The following NCALD variants were observed in gnomAD, a reference collection of about 807,000 sequenced individuals.
NCALD encodes neurocalcin-delta.
NCALD carries 10 observed loss-of-function variants against 18.6 expected under a neutral mutation model. The ratio of observed to expected loss-of-function variants is 0.54; its 90% CI spans 0.33 to 0.91. The LOEUF is 0.91. Ranked by LOEUF, NCALD falls within the 40% of genes least tolerant of loss-of-function variation. The probability of loss-of-function intolerance (pLI) is 0.03; values close to 1 mark genes in which losing one functional copy is unlikely to be tolerated. For synonymous variants in NCALD, 88 were observed against 87.4 expected (o/e 1.01, Z -0.04); for missense variants, 184 against 247.6 (o/e 0.74, Z 1.72).
chr8:101,884,999 G>T (rs1386198403), intron 4 of NCALD, among the ~76,000 whole-genome samples: 1 of 152,106 alleles, frequency 6.6e-6, no homozygotes, highest in Non-Finnish European at 1.5e-5. Context: ...CAGAATAATG[G>T]GCTCCCAGGC....
chr8:101,782,558 T>G (rs1378853073), intron 1 of NCALD, among the ~76,000 whole-genome samples: 2 of 152,200 alleles, frequency 1.3e-5, no homozygotes, highest in African/African-American at 4.8e-5. Context: ...AGATCCTCCA[T>G]GGACCCACCA....
At chr8:102,047,946 G>A (rs1041247029) in intron 1 of NCALD, among the ~76,000 whole-genome samples, 1 of 151,904 alleles carries the variant, frequency 6.6e-6, no homozygotes, top group Non-Finnish European at 1.5e-5. Context: ...CTTTTGAGAG[G>A]GTTTGAAGGG....
At chr8:101,888,482 A>G (rs1175806761) in intron 3 of NCALD, among the ~76,000 whole-genome samples, 2 of 152,064 alleles carry the variant, frequency 1.3e-5, no homozygotes, top group African/African-American at 4.8e-5. Flanking sequence ...CAGTAGAGCA[A>G]TAATAGCTCA....
intron 2 of NCALD, among the ~76,000 whole-genome samples, chr8:101,711,518 C>G (rs898344704): frequency 2.6e-5 from 4 of 151,964 alleles, no homozygotes; most frequent in African/African-American, 9.6e-5. Context: ...AGCTAAGAAC[C>G]TTGATAAAAA....
chr8:101,687,628 CTCTT>C lies in NCALD; in HGVS notation c.*1677_*1680del, dbSNP rs1814526327. On this transcript the variant is annotated 3_prime_UTR_variant, in exon 4 of 4. Transcript: ENST00000220931. ...CATTTTTCTCCTGGTCATGATGTCT[CTCTT>C]TCTGTGGTTCCTCTTCTTTGGCAAG... 6.6e-6 allele frequency: 1 copy of C among 152,264 alleles called. No homozygotes were observed. The highest frequency in any genetic ancestry group is 1.5e-5 in the Non-Finnish European group (1 of 68,046). 9.4% of individuals were successfully genotyped at this position (152,264 alleles called of 1,614,324 possible).
chr8:101,814,394 G>A (rs757338025), intron 4 of NCALD, among the ~76,000 whole-genome samples: 58 of 151,946 alleles, frequency 3.8e-4, no homozygotes, highest in Admixed American at 1.2e-3. Flanking sequence ...AATATCACAC[G>A]ATTATATCAA....
intron 2 of NCALD, among the ~76,000 whole-genome samples, chr8:101,954,907 A>G (rs557180498): frequency 6.6e-6 from 1 of 152,184 alleles, no homozygotes; most frequent in Non-Finnish European, 1.5e-5. Flanking sequence ...TAGATGATCT[A>G]TGGCTTCCCC....
chr8:102,071,088 G>A (rs919667237), intron 1 of NCALD, among the ~76,000 whole-genome samples: 4 of 152,062 alleles, frequency 2.6e-5, no homozygotes, highest in Admixed American at 2.6e-4. Context: ...GCTATCCTGG[G>A]GAGAAGCAGT....
chr8:101,850,130 G>A (rs745639956), intron 4 of NCALD, among the ~76,000 whole-genome samples: 5 of 152,166 alleles, frequency 3.3e-5, no homozygotes, highest in Non-Finnish European at 7.3e-5. Flanking sequence ...CCATGTCACT[G>A]AAGAGGCCTC....
intron 2 of NCALD, among the ~76,000 whole-genome samples, chr8:102,016,264 C>G (rs913411410): frequency 6.6e-6 from 1 of 152,142 alleles, no homozygotes; most frequent in African/African-American, 2.4e-5. Context: ...TCCACAGATA[C>G]AAGGCAAAGG....
At chr8:101,754,147 C>T (rs546200618) in intron 1 of NCALD, among the ~76,000 whole-genome samples, 17 of 152,208 alleles carry the variant, frequency 1.1e-4, no homozygotes, top group African/African-American at 4.1e-4. Flanking sequence ...CAAGGTAGAG[C>T]CCTCTCCCTA....
chr8:101,969,833 T>C (rs1388499250), intron 2 of NCALD, among the ~76,000 whole-genome samples: 1 of 152,240 alleles, frequency 6.6e-6, no homozygotes, highest in Non-Finnish European at 1.5e-5. Flanking sequence ...CCTAATACTT[T>C]ACAACTTTCA....
chr8:101,686,761 T>C lies in NCALD; in HGVS notation c.*2548A>G, dbSNP rs1032798222. 6.5e-5 allele frequency: 10 copies of C among 152,710 alleles called. No individual in the cohort carries two copies. Among genetic ancestry groups the C allele is most frequent in the African/African-American group, 2.4e-4 (10 of 41,448 alleles). The allele number at this position is 152,710 out of a possible 1,614,324, so 9.5% of individuals were successfully genotyped here. On this transcript the variant is annotated 3_prime_UTR_variant, in exon 4 of 4. Transcript: ENST00000220931. ...TCCTTCAGGTCGTAAGCCACTTTATTCCAGTCCCTTGAACATCACAGGCTG... is the reference window on the plus strand; with the variant it reads ...TCCTTCAGGTCGTAAGCCACTTTATCCCAGTCCCTTGAACATCACAGGCTG...
chr8:101,863,597 T>G (rs929302741), intron 4 of NCALD, among the ~76,000 whole-genome samples: 4 of 152,196 alleles, frequency 2.6e-5, no homozygotes, highest in African/African-American at 9.6e-5. Context: ...GATGCTTCTG[T>G]GGGAGGGCAG....
chr8:102,052,459 A>G (rs1234476655), intron 1 of NCALD, among the ~76,000 whole-genome samples: 1 of 152,244 alleles, frequency 6.6e-6, no homozygotes. Context: ...CTCTGAAGGC[A>G]TCTGCCTTTC....
intron 1 of NCALD, among the ~76,000 whole-genome samples, chr8:102,086,431 A>G (rs958184469): frequency 2.6e-5 from 4 of 152,172 alleles, no homozygotes; most frequent in Non-Finnish European, 4.4e-5. Context: ...GAAGTTTTAT[A>G]TCTCAGAAAG....
chr8:101,785,015 T>C (rs1371019773), intron 1 of NCALD, among the ~76,000 whole-genome samples: 1 of 152,178 alleles, frequency 6.6e-6, no homozygotes, highest in African/African-American at 2.4e-5. Context: ...CTGCTGTATA[T>C]TCCAAGTTGA....
chr8:101,949,503 G>A (rs942847793), intron 2 of NCALD, among the ~76,000 whole-genome samples: 1 of 151,960 alleles, frequency 6.6e-6, no homozygotes, highest in East Asian at 1.9e-4. Context: ...AGAGGCTGTG[G>A]GTCAAACGAC....
chr8:101,719,915 CAG>C (rs1195698652), intron 1 of NCALD, among the ~76,000 whole-genome samples: 4 of 152,108 alleles, frequency 2.6e-5, no homozygotes, highest in South Asian at 2.1e-4. Context: ...GCAAAAGGTT[CAG>C]AGAGAGCGTG....
Sources: allele counts gnomAD v4.1 joint callset (sites outside exome capture counted in the v4.1 genomes callset), GRCh38; gene constraint gnomAD v4.1.1; transcripts MANE v1.5; gene names NCBI Gene and HGNC (gene_info 2026-07-23, HGNC 2026-07-21).